Variants in PRKG1 observed in about 807,000 individuals in gnomAD.
PRKG1 encodes cGMP-dependent protein kinase 1.
A neutral mutation model predicts 88.1 loss-of-function variants in PRKG1; 35 were observed. That is an observed-to-expected ratio of 0.40 (90% CI 0.30 to 0.53). The LOEUF is 0.53. PRKG1 is among the 20% of genes least tolerant of loss of function. The probability of loss-of-function intolerance (pLI) is 0.59; values close to 1 mark genes in which losing one functional copy is unlikely to be tolerated. For missense variants in PRKG1, 540 were observed against 839.8 expected (o/e 0.64, Z 4.41); for synonymous variants, 303 against 292.5 (o/e 1.04, Z -0.37).
chr10:51,306,262 A>G (rs1296395339), intron 2 of PRKG1, among the ~76,000 whole-genome samples: 3 of 152,174 alleles, frequency 2.0e-5, no homozygotes, highest in African/African-American at 7.2e-5. Flanking sequence ...TTCATAGTTG[A>G]CTTACATTTG....
chr10:52,054,523 G>A lies in PRKG1; in HGVS notation c.802G>A (p.Ala268Thr), dbSNP rs1846064007. Residue 268 changes from alanine to threonine, a missense_variant, in exon 6 of 18, where the codon GCA becomes ACA. This residue lies in a region of PRKG1 where 400 missense variants were observed against 562.7 expected (regional missense o/e 0.71). Coordinates refer to ENST00000373980, the MANE Select transcript of PRKG1 (RefSeq NM_006258.4). ...ENGEYIIRQG[A>T]RGDTFFIISK... ...TGGAGAATATATTATCAGGCAAGGT[G>A]CAAGAGGGGACACCTTCTTTATCAT... is the stretch of plus-strand genomic sequence containing the variant. 1 of 1,613,892 alleles carries A rather than the reference G, an allele frequency of 6.2e-7. No individual in the cohort carries two copies. Among genetic ancestry groups the A allele is most frequent in the Non-Finnish European group, 8.5e-7 (1 of 1,179,906 alleles).
intron 5 of PRKG1, among the ~76,000 whole-genome samples, chr10:52,009,064 C>A (rs935760697): frequency 6.6e-6 from 1 of 152,056 alleles, no homozygotes; most frequent in Non-Finnish European, 1.5e-5. Context: ...ATCTCACAGC[C>A]AACATTATAC....
chr10:51,802,648 G>A (rs186397586), intron 3 of PRKG1, among the ~76,000 whole-genome samples: 255 of 152,140 alleles, frequency 1.7e-3, no homozygotes, highest in Non-Finnish European at 3.0e-3. Flanking sequence ...TAAGAGATGA[G>A]ACAGGGACTT....
chr10:52,222,656 G>C (rs1235814923), intron 9 of PRKG1, among the ~76,000 whole-genome samples: 1 of 152,182 alleles, frequency 6.6e-6, no homozygotes, highest in African/African-American at 2.4e-5. Flanking sequence ...ACCTTGGAAA[G>C]TTAGTAAATT....
intron 3 of PRKG1, among the ~76,000 whole-genome samples, chr10:51,589,871 GAGAA>G (rs1838266634): frequency 6.6e-6 from 1 of 152,118 alleles, no homozygotes; most frequent in Admixed American, 6.6e-5. Flanking sequence ...ATTTTAATTG[GAGAA>G]AGAAATTTCT....
At chr10:51,506,955 G>A (rs907923480) in intron 3 of PRKG1, among the ~76,000 whole-genome samples, 1 of 152,106 alleles carries the variant, frequency 6.6e-6, no homozygotes, top group Non-Finnish European at 1.5e-5. Context: ...TATTCACCAT[G>A]GAATACTATG....
At chr10:51,792,817 G>A (rs976269131) in intron 3 of PRKG1, among the ~76,000 whole-genome samples, 3 of 151,986 alleles carry the variant, frequency 2.0e-5, no homozygotes, top group Admixed American at 2.0e-4. Context: ...CAACACTGTT[G>A]GGAGTTACTG....
At chr10:51,813,462 A>G (rs564552207) in intron 4 of PRKG1, among the ~76,000 whole-genome samples, 2 of 152,310 alleles carry the variant, frequency 1.3e-5, no homozygotes, top group East Asian at 1.9e-4. Context: ...TGTTAGTAAA[A>G]ATTTATTGAG....
intron 2 of PRKG1, among the ~76,000 whole-genome samples, chr10:51,306,042 G>A (rs2132249291): frequency 6.6e-6 from 1 of 152,298 alleles, no homozygotes; most frequent in South Asian, 2.1e-4. Flanking sequence ...TCTTGGAATA[G>A]CTCTGGAAAG....
At chr10:52,202,457 A>G (rs1042445843) in intron 9 of PRKG1, among the ~76,000 whole-genome samples, 1 of 151,966 alleles carries the variant, frequency 6.6e-6, no homozygotes, top group African/African-American at 2.4e-5. Flanking sequence ...AAATTTTTAC[A>G]TCTATGTTCA....
At position 51,726,508 on chromosome 10, in the gene PRKG1, A is replaced by G. The variant is rs554325690; in HGVS notation, c.593-78077A>G. 1.5e-3 allele frequency among the ~76,000 whole-genome samples: 230 copies of G among 152,332 alleles called. 1 individual carries two copies. The highest frequency in any genetic ancestry group is 5.3e-3 in the African/African-American group (221 of 41,570). On this transcript the variant is annotated intron_variant, in intron 3 of 17. Coordinates refer to ENST00000373980, the MANE Select transcript of PRKG1 (RefSeq NM_006258.4). ...GGTGGCTGCATATGCAGTAGTGACC[A>G]TCATGGTTTTTGATAAATTTTGTCA... is the stretch of plus-strand genomic sequence containing the variant.
At chr10:51,923,669 C>G (rs1480907266) in intron 5 of PRKG1, among the ~76,000 whole-genome samples, 1 of 151,536 alleles carries the variant, frequency 6.6e-6, no homozygotes, top group Non-Finnish European at 1.5e-5. Flanking sequence ...ACAGAGTATT[C>G]CTGTCCCTTA....
At chr10:51,565,408 A>G (rs1837573450) in intron 3 of PRKG1, among the ~76,000 whole-genome samples, 1 of 152,056 alleles carries the variant, frequency 6.6e-6, no homozygotes, top group Non-Finnish European at 1.5e-5. Context: ...CACCAAGAGA[A>G]TGAGTGGCAG....
At chr10:51,347,922 G>A (rs1441291530) in intron 2 of PRKG1, among the ~76,000 whole-genome samples, 2 of 151,916 alleles carry the variant, frequency 1.3e-5, no homozygotes, top group African/African-American at 2.4e-5. Context: ...AATTAGCCGG[G>A]CATGGTGGCG....
At chr10:51,204,656 A>G (rs2132061210) in intron 2 of PRKG1, among the ~76,000 whole-genome samples, 1 of 152,300 alleles carries the variant, frequency 6.6e-6, no homozygotes, top group Non-Finnish European at 1.5e-5. Flanking sequence ...AGGTGAGTCC[A>G]GATTAGAAAT....
intron 10 of PRKG1, among the ~76,000 whole-genome samples, chr10:52,256,611 G>T (rs1385507835): frequency 7.2e-6 from 1 of 139,588 alleles, no homozygotes; most frequent in Non-Finnish European, 1.6e-5. Flanking sequence ...TGTTAATGTT[G>T]TTATTGTTGC....
At chr10:51,248,011 A>G (rs568626389) in intron 2 of PRKG1, among the ~76,000 whole-genome samples, 1 of 152,052 alleles carries the variant, frequency 6.6e-6, no homozygotes, top group South Asian at 2.1e-4. Context: ...CAACAACAAT[A>G]AAGGTAACGG....
chr10:51,354,242 T>C (rs570891706), intron 2 of PRKG1, among the ~76,000 whole-genome samples: 1 of 152,104 alleles, frequency 6.6e-6, no homozygotes, highest in Admixed American at 6.6e-5. Flanking sequence ...TAATACTTGA[T>C]AGCACAACAG....
chr10:51,096,056 A>G (rs900895165), intron 1 of PRKG1, among the ~76,000 whole-genome samples: 1 of 152,138 alleles, frequency 6.6e-6, no homozygotes, highest in African/African-American at 2.4e-5. Context: ...TGTGTGTGAT[A>G]TTATTACATA....
Sources: gnomAD v4.1 joint callset for allele counts (sites outside exome capture counted in the v4.1 genomes callset) on GRCh38, gnomAD v4.1.1 for gene constraint, gnomAD v4.1.1 regional missense constraint, MANE v1.5 for transcripts, NCBI Gene and HGNC (gene_info 2026-07-23, HGNC 2026-07-21) for gene names.